Variants in PAXIP1 observed in about 807,000 individuals in gnomAD.
PAXIP1 encodes PAX-interacting protein 1.
Under a neutral mutation model 140.6 loss-of-function variants are expected in PAXIP1, and 19 were observed. The observed-to-expected ratio is 0.14, with a 90% CI of 0.09 to 0.20. The LOEUF (loss-of-function observed/expected upper bound fraction) is 0.20. Ranked by LOEUF, PAXIP1 falls within the 10% of genes least tolerant of loss-of-function variation. The probability of loss-of-function intolerance (pLI) is 1.00; values close to 1 mark genes in which losing one functional copy is unlikely to be tolerated. For synonymous variants in PAXIP1, 442 were observed against 444.6 expected, an observed-to-expected ratio of 0.99 and a Z score of 0.07; for missense variants, 920 against 1,208.6, an observed-to-expected ratio of 0.76 and a Z score of 3.54.
At chr7:154,998,849 G>T in intron 1 of PAXIP1, 65 bp from the exon 2 acceptor site, 2 of 1,381,936 alleles carry the variant, frequency 1.4e-6, no homozygotes, top group Non-Finnish European at 2.0e-6. Context: ...TTGAATTACA[G>T]AAATAATTAT....
intron 20 of PAXIP1, chr7:154,945,813 A>G: frequency 2.0e-6 from 2 of 984,518 alleles, no homozygotes; most frequent in Non-Finnish European, 2.4e-6. Flanking sequence ...AGGAATTCAA[A>G]TAACAGATGA....
intron 13 of PAXIP1, 125 bp downstream of exon 13, chr7:154,959,765 A>G: frequency 1.5e-6 from 1 of 686,208 alleles, no homozygotes; most frequent in Non-Finnish European, 2.5e-6. Context: ...GATTTACTGG[A>G]GTAGATAATT....
At position 154,991,052 on chromosome 7, in the gene PAXIP1, G is replaced by T; in HGVS notation, c.278C>A (p.Pro93Gln). ...GTLLPVNGFS[P>Q]ESCQIFFGIT... ...TCCAAAAAAAATCTGACATGATTCT[G>T]GAGAAAAACCATTTACTCTGTTTTA... Residue 93 changes from proline (P) to glutamine (Q), a missense_variant, in exon 4 of 21, where the codon CCA (proline) becomes CAA (glutamine). Physicochemically the swap from Pro to Gln is moderately conservative, Grantham distance 76 (BLOSUM62 -1). Transcript: ENST00000404141. 1.3e-6 allele frequency: 2 copies of T among 1,536,704 alleles called. No individual in the cohort carries two copies. Among genetic ancestry groups the T allele is most frequent in the East Asian group, 2.4e-5 (1 of 41,732 alleles).
intron 1 of PAXIP1, chr7:155,002,021 C>T (rs1366183969): frequency 1.3e-5 from 2 of 152,234 alleles, no homozygotes; most frequent in African/African-American, 2.4e-5. Flanking sequence ...CACAACTGTA[C>T]AGCTAAACTT....
At chr7:154,974,992 A>C (rs1345005878) in intron 6 of PAXIP1, among the ~76,000 whole-genome samples, 2 of 147,020 alleles carry the variant, frequency 1.4e-5, no homozygotes, top group Non-Finnish European at 3.0e-5. Flanking sequence ...TAAAAATACA[A>C]AAAAAAAAAA....
intron 8 of PAXIP1, chr7:154,967,314 AGTTTT>A (rs1168650601): frequency 6.5e-6 from 1 of 152,812 alleles, no homozygotes; most frequent in East Asian, 1.9e-4. Flanking sequence ...TTTTTGACTC[AGTTTT>A]GTTTTGGGGA....
At chr7:154,987,808 T>A (rs185212156) in intron 4 of PAXIP1, among the ~76,000 whole-genome samples, 34 of 152,232 alleles carry the variant, frequency 2.2e-4, no homozygotes, top group Admixed American at 2.0e-3. Flanking sequence ...GCATCCCATG[T>A]CCCCAATACC....
intron 16 of PAXIP1, among the ~76,000 whole-genome samples, chr7:154,953,512 C>T (rs1464591668): frequency 6.6e-6 from 1 of 152,054 alleles, no homozygotes; most frequent in African/African-American, 2.4e-5. Context: ...CCAGACAGGG[C>T]CCAGGGGAGG....
At chr7:154,972,014 G>A (rs937403152) in intron 6 of PAXIP1, among the ~76,000 whole-genome samples, 6 of 152,068 alleles carry the variant, frequency 3.9e-5, no homozygotes, top group African/African-American at 1.4e-4. Flanking sequence ...GTTTTCCACC[G>A]CTAGAGCACA....
intron 5 of PAXIP1, among the ~76,000 whole-genome samples, chr7:154,977,990 A>ACT (rs1563379932): frequency 9.2e-5 from 14 of 151,514 alleles, no homozygotes; most frequent in African/African-American, 3.4e-4. Flanking sequence ...CGCAGACCAA[A>ACT]TTAGAGACTA....
At chr7:154,970,368 G>C (rs1809243013) in intron 6 of PAXIP1, among the ~76,000 whole-genome samples, 1 of 152,136 alleles carries the variant, frequency 6.6e-6, no homozygotes, top group Non-Finnish European at 1.5e-5. Context: ...TGACCTGCAA[G>C]GGTAACAGAT....
At position 154,946,842 on chromosome 7, in the gene PAXIP1, T is replaced by C. The variant is rs1482435079; in HGVS notation, c.2923-29A>G. On this transcript the variant is annotated intron_variant, in intron 17 of 20. Coordinates refer to ENST00000404141, the MANE Select transcript of PAXIP1 (RefSeq NM_007349.4). This position sits in a 1 kb window ranked among gnomAD's most constrained non-coding sequence, Gnocchi z 4.9. Reference sequence around the variant, plus strand: ...AAATTAAATGAAAATATATGTATTATGTTCTTAAAATGCTTTAATTTTTAG... The same window carrying C: ...AAATTAAATGAAAATATATGTATTACGTTCTTAAAATGCTTTAATTTTTAG... 20 of 1,477,546 alleles carry C rather than the reference T, an allele frequency of 1.4e-5. No homozygotes were observed. Among genetic ancestry groups the C allele is most frequent in the Non-Finnish European group, 1.8e-5 (20 of 1,084,212 alleles). The allele number at this position is 1,477,546 out of a possible 1,614,324, so 91.5% of individuals were successfully genotyped here. A position where few individuals can be genotyped will look rare whatever the true frequency, so the allele number is the denominator to read the frequency against.
At chr7:154,949,570 T>C (rs762887056) in intron 16 of PAXIP1, 3 of 152,222 alleles carry the variant, frequency 2.0e-5, no homozygotes, top group African/African-American at 4.8e-5. Context: ...TCTGAAGAAC[T>C]TGTGTGAGAT....
intron 13 of PAXIP1, among the ~76,000 whole-genome samples, chr7:154,959,638 C>G (rs1232183503): frequency 1.3e-5 from 2 of 152,164 alleles, no homozygotes; most frequent in African/African-American, 4.8e-5. Flanking sequence ...TTCCCCTCAT[C>G]AAGAGACCCG....
chr7:154,967,521 C>T (rs994001285), intron 8 of PAXIP1: 23 of 275,076 alleles, frequency 8.4e-5, no homozygotes, highest in Admixed American at 1.4e-4. Context: ...CCCAGGACAC[C>T]AAAACCCTGA....
chr7:154,993,127 A>T (rs1162945623), intron 3 of PAXIP1, among the ~76,000 whole-genome samples: 1 of 152,198 alleles, frequency 6.6e-6, no homozygotes, highest in Non-Finnish European at 1.5e-5. Flanking sequence ...CTAGAAGAGT[A>T]AACAGGAGGC....
At chr7:154,971,017 G>A (rs764794584) in intron 6 of PAXIP1, among the ~76,000 whole-genome samples, 1 of 152,182 alleles carries the variant, frequency 6.6e-6, no homozygotes, top group Non-Finnish European at 1.5e-5. Flanking sequence ...AAGCCCAGGT[G>A]GAAGGGAGCT....
At chr7:154,960,771 G>A (rs946693283) in intron 12 of PAXIP1, 122 bp downstream of exon 12, 8 of 652,442 alleles carry the variant, frequency 1.2e-5, no homozygotes, top group South Asian at 7.8e-5. Context: ...AATTGGAAAT[G>A]AGTCAAAAAC....
intron 8 of PAXIP1, chr7:154,964,698 C>G (rs1178031464): frequency 1.3e-5 from 2 of 152,174 alleles, no homozygotes; most frequent in Admixed American, 6.5e-5. Context: ...ACCGTTCCCC[C>G]CAATAACACA....
Sources: allele counts gnomAD v4.1 joint callset (sites outside exome capture counted in the v4.1 genomes callset), GRCh38; gene constraint gnomAD v4.1.1; non-coding constraint Gnocchi (gnomAD v3.1); transcripts MANE v1.5; gene names NCBI Gene and HGNC (gene_info 2026-07-23, HGNC 2026-07-21).